Variants in TTC28 observed in about 807,000 individuals in gnomAD.
TTC28 encodes the protein tetratricopeptide repeat protein 28.
In TTC28, 61 loss-of-function variants were observed where a neutral mutation model predicts 198.0. The ratio of observed to expected loss-of-function variants is 0.31; its 90% CI spans 0.25 to 0.38. The LOEUF is 0.38. Ranked by LOEUF, TTC28 falls within the 10% of genes least tolerant of loss-of-function variation. The pLI is 1.00. For synonymous variants in TTC28, 1,171 were observed against 1,297.8 expected (o/e 0.90, Z 2.10); for missense variants, 2,678 against 3,164.0 (o/e 0.85, Z 3.69).
At chr22:28,244,928 A>G (rs1432761975) in intron 5 of TTC28, among the ~76,000 whole-genome samples, 3 of 152,186 alleles carry the variant, frequency 2.0e-5, no homozygotes, top group Non-Finnish European at 4.4e-5. Flanking sequence ...ATACACCTAG[A>G]AGGAGGTCTA....
Position 28,591,722 on chromosome 22 carries a change from T to G in TTC28, c.381+37830A>C, listed in dbSNP as rs573509913. ...ATGAATTCACATTGGTTTCTATACC[T>G]TTTTTTATAGTGTCTGGGAGTGAAA... On this transcript the variant is annotated intron_variant, in intron 2 of 22. Transcript: ENST00000397906. 5.8e-4 allele frequency among the ~76,000 whole-genome samples: 89 copies of G among 152,246 alleles called. No individual in the cohort carries two copies. The South Asian group carries it at 0.016, about 28-fold the overall frequency.
intron 5 of TTC28, among the ~76,000 whole-genome samples, chr22:28,287,652 G>C (rs193133891): frequency 3.1e-3 from 471 of 152,230 alleles, no homozygotes; most frequent in Non-Finnish European, 5.1e-3. Flanking sequence ...AGATTAAAAG[G>C]TGTACAATAT....
chr22:28,142,155 C>T (rs1943352387), intron 6 of TTC28, among the ~76,000 whole-genome samples: 1 of 152,172 alleles, frequency 6.6e-6, no homozygotes, highest in Non-Finnish European at 1.5e-5. Context: ...AAAAGTAATG[C>T]CTCCAAGGTA....
chr22:28,223,454 C>T (rs1412627258), intron 5 of TTC28, among the ~76,000 whole-genome samples: 2 of 152,206 alleles, frequency 1.3e-5, no homozygotes, highest in East Asian at 1.9e-4. Context: ...CAGGAAGCTA[C>T]TATAATGATT....
At chr22:28,504,878 T>C (rs892245480) in intron 2 of TTC28, among the ~76,000 whole-genome samples, 1 of 152,210 alleles carries the variant, frequency 6.6e-6, no homozygotes, top group Non-Finnish European at 1.5e-5. Flanking sequence ...ATTTTTGATA[T>C]AGGTTCATTA....
intron 2 of TTC28, among the ~76,000 whole-genome samples, chr22:28,502,475 C>T (rs2048550155): frequency 1.7e-5 from 1 of 58,452 alleles, no homozygotes; most frequent in African/African-American, 6.6e-5. Context: ...CCTGTCTCTA[C>T]TAAAAAAAAA....
Position 28,286,788 on chromosome 22 carries a change from T to C in TTC28, c.933+9410A>G, listed in dbSNP as rs534579657. Among the ~76,000 whole-genome samples, 3 of 151,974 alleles carry C rather than the reference T, an allele frequency of 2.0e-5. No individual in the cohort carries two copies. The East Asian group carries it at 5.8e-4, about 29-fold the overall frequency. On this transcript the variant is annotated intron_variant, in intron 5 of 22. Transcript: ENST00000397906. ...TAAAATTTAAAAATACCATTTACAA[T>C]AGTGAGGATGCACACACACACACAC...
intron 2 of TTC28, among the ~76,000 whole-genome samples, chr22:28,419,532 A>C (rs983613249): frequency 6.6e-6 from 1 of 152,216 alleles, no homozygotes; most frequent in African/African-American, 2.4e-5. Flanking sequence ...CCAAAAGAGA[A>C]CTTTAGTATT....
At position 28,099,062 on chromosome 22, in the gene TTC28, GAAC is replaced by G; in HGVS notation, c.3418-21_3418-19del. On this transcript the variant is annotated intron_variant, in intron 9 of 22. Transcript: ENST00000397906. The stretch of plus-strand genomic sequence containing the variant: ...CTATAAAGCTGCAAGGAGGGAGGAA[GAAC>G]ATCATCCATTCCCCAGAAACCAATG... 6.4e-7 allele frequency: 1 copy of G among 1,550,662 alleles called. No homozygotes were observed. The highest frequency in any genetic ancestry group is 8.7e-7 in the Non-Finnish European group (1 of 1,146,106).
In TTC28 at chr22:28,005,774, CAGG is replaced by C. The variant is rs1937908274; in HGVS notation, c.4219-4224_4219-4222del. ...TGATGGCTGCTCTCCTGCCCACACT[CAGG>C]GGGCTAGCGCTTGCCAGCAACTCCA... On this transcript the variant is annotated intron_variant, in intron 14 of 22. Coordinates refer to ENST00000397906, the MANE Select transcript of TTC28 (RefSeq NM_001145418.2). The surrounding 1 kb of genome is among the most constrained non-coding windows in gnomAD (Gnocchi z 4.9). Among the ~76,000 whole-genome samples, 1 of 152,216 alleles carries C rather than the reference CAGG, an allele frequency of 6.6e-6. No homozygotes were observed.
At chr22:28,251,018 G>A (rs1382928534) in intron 5 of TTC28, among the ~76,000 whole-genome samples, 3 of 152,202 alleles carry the variant, frequency 2.0e-5, no homozygotes, top group African/African-American at 7.2e-5. Flanking sequence ...AGGTGGCTAT[G>A]CCCTTAATAA....
chr22:28,582,965 A>G (rs2146062372), intron 2 of TTC28, among the ~76,000 whole-genome samples: 1 of 152,306 alleles, frequency 6.6e-6, no homozygotes, highest in East Asian at 1.9e-4. Context: ...ACCCAGAGGA[A>G]AGAGTGTGTT....
chr22:28,216,483 T>C (rs1308049934), intron 5 of TTC28, among the ~76,000 whole-genome samples: 1 of 152,102 alleles, frequency 6.6e-6, no homozygotes, highest in African/African-American at 2.4e-5. Flanking sequence ...GTGTTGTAAA[T>C]TGGGGAGTAG....
At chr22:28,009,559 A>G (rs138665) in intron 14 of TTC28, among the ~76,000 whole-genome samples, 12,129 of 152,118 alleles carry the variant, frequency 0.08, 511 homozygotes, top group South Asian at 0.091. Context: ...GAAGCAGGAG[A>G]ATGATCCAGG....
intron 2 of TTC28, among the ~76,000 whole-genome samples, chr22:28,598,032 T>G (rs2050570745): frequency 6.6e-6 from 1 of 151,948 alleles, no homozygotes; most frequent in South Asian, 2.1e-4. Flanking sequence ...CTGGCCCATT[T>G]TTACCCTTTA....
At chr22:28,338,312 T>C (rs970432961) in intron 2 of TTC28, among the ~76,000 whole-genome samples, 2 of 152,296 alleles carry the variant, frequency 1.3e-5, no homozygotes, top group South Asian at 2.1e-4. Context: ...CTGACAATTA[T>C]GTGTCTTGGC....
At chr22:28,442,876 G>A (rs1304743533) in intron 2 of TTC28, 2 of 152,450 alleles carry the variant, frequency 1.3e-5, no homozygotes, top group Non-Finnish European at 2.9e-5. Flanking sequence ...CCCCTCTCCA[G>A]GACACTTACC....
rs909829026 is a variant in TTC28, at chr22:27,982,149, C to T, written c.*72G>A. The T allele has an allele frequency of 6.5e-5, 92 of 1,419,010 alleles. No homozygotes were observed. Among genetic ancestry groups the T allele is most frequent in the Non-Finnish European group, 8.5e-5 (91 of 1,073,702 alleles). 87.9% of individuals were successfully genotyped at this position (1,419,010 alleles called of 1,614,324 possible). ...CTGGTGGCTGTGGGGGGACTGCACT[C>T]AGGGAAGGGCTGAAGCAAACGCCAG... On this transcript the variant is annotated 3_prime_UTR_variant, in exon 23 of 23. Coordinates refer to ENST00000397906, the MANE Select transcript of TTC28 (RefSeq NM_001145418.2). This position sits in a 1 kb window ranked among gnomAD's most constrained non-coding sequence, Gnocchi z 5.2.
At chr22:28,291,105 C>T (rs549153793) in intron 5 of TTC28, among the ~76,000 whole-genome samples, 68 of 151,748 alleles carry the variant, frequency 4.5e-4, no homozygotes, top group African/African-American at 1.6e-3. Flanking sequence ...TATGTAAATT[C>T]AATATAATTC....
Sources: allele counts gnomAD v4.1 joint callset (sites outside exome capture counted in the v4.1 genomes callset), GRCh38; gene constraint gnomAD v4.1.1; non-coding constraint Gnocchi (gnomAD v3.1); transcripts MANE v1.5; gene names NCBI Gene and HGNC (gene_info 2026-07-23, HGNC 2026-07-21).